CACNA1H: variants seen among roughly 807,000 people sequenced by gnomAD.
The protein encoded by CACNA1H is calcium voltage-gated channel subunit alpha1 H, also known as voltage-dependent T-type calcium channel subunit alpha-1H.
In CACNA1H, 149 loss-of-function variants were observed where a neutral mutation model predicts 192.5. The ratio of observed to expected loss-of-function variants is 0.77; its 90% CI spans 0.68 to 0.89. CACNA1H has a LOEUF of 0.89. Among genes scored for constraint, CACNA1H ranks in the 40% least tolerant of loss-of-function variants. The pLI, the probability that CACNA1H is intolerant of heterozygous loss-of-function variation, is 0.00. For missense variants in CACNA1H, 4,257 were observed against 3,423.5 expected (o/e 1.24, Z -6.08); for synonymous variants, 2,202 against 1,475.2 (o/e 1.49, Z -11.29).
Position 1,221,287 on chromosome 16 carries a change from A to T in CACNA1H, c.*293A>T. The T allele has an allele frequency of 2.3e-6, 1 of 427,344 alleles. No homozygotes were observed. The highest frequency in any genetic ancestry group is 4.1e-6 in the Non-Finnish European group (1 of 242,150). 26.5% of individuals were successfully genotyped at this position (427,344 alleles called of 1,614,324 possible). A position where few individuals can be genotyped will look rare whatever the true frequency, so the allele number is the denominator to read the frequency against. Reference sequence around the variant, plus strand: ...TCAGGAGAGAAGCCGCGTCTGTGGGACGAAGACCGGGCACCCGCCAGAGAG... The same window carrying T: ...TCAGGAGAGAAGCCGCGTCTGTGGGTCGAAGACCGGGCACCCGCCAGAGAG... On this transcript the variant is annotated 3_prime_UTR_variant, in exon 35 of 35. Transcript: ENST00000348261.
At chr16:1,155,495 T>C (rs1010819818) in intron 2 of CACNA1H, among the ~76,000 whole-genome samples, 6 of 151,722 alleles carry the variant, frequency 4.0e-5, no homozygotes, top group African/African-American at 7.3e-5. Context: ...TGGGGAAGGG[T>C]CTGGAAGGGA....
At chr16:1,218,819 G>C (rs1970244484) in intron 33 of CACNA1H, 151 bp from the exon 34 acceptor site, 12 of 1,087,028 alleles carry the variant, frequency 1.1e-5, no homozygotes, top group Non-Finnish European at 1.6e-5. Flanking sequence ...AGATTGAGGA[G>C]GCTGGGTGTG....
intron 22 of CACNA1H, 29 bp from the exon 23 acceptor site, chr16:1,211,452 C>G: frequency 6.2e-7 from 1 of 1,612,108 alleles, no homozygotes; most frequent in Admixed American, 1.7e-5. Context: ...CAGGCCAGGC[C>G]CTCCGCGGTG....
intron 3 of CACNA1H, among the ~76,000 whole-genome samples, 165 bp from the exon 4 acceptor site, chr16:1,195,267 C>T (rs1373892289): frequency 1.8e-5 from 2 of 113,688 alleles, no homozygotes; most frequent in African/African-American, 6.6e-5. Context: ...GGGCGAGAGG[C>T]GAGGTTCAAG....
chr16:1,178,730 G>A (rs1039120986), intron 2 of CACNA1H, among the ~76,000 whole-genome samples: 6 of 152,146 alleles, frequency 3.9e-5, no homozygotes, highest in African/African-American at 1.4e-4. Flanking sequence ...CTCACCCCCG[G>A]CCAGGAGCTC....
Position 1,167,146 on chromosome 16 carries a change from G to A in CACNA1H, c.299+13110G>A, listed in dbSNP as rs561258938. On this transcript the variant is annotated intron_variant, in intron 2 of 34. Coordinates refer to ENST00000348261, the MANE Select transcript of CACNA1H (RefSeq NM_021098.3). The surrounding 1 kb of genome is among the most constrained non-coding windows in gnomAD (Gnocchi z 4.2). The stretch of plus-strand genomic sequence containing the variant: ...AGTGGACACGGCCCTTCCTTTCCTC[G>A]CCGACCCTTTGGGGCGTCTCCCATC... Among the ~76,000 whole-genome samples the A allele has an allele frequency of 1.0e-3, 156 of 152,228 alleles. 5 individuals carry two copies. The South Asian group carries it at 0.03, about 30-fold the overall frequency.
intron 5 of CACNA1H, among the ~76,000 whole-genome samples, chr16:1,197,231 C>T (rs559280918): frequency 6.6e-6 from 1 of 152,328 alleles, no homozygotes; most frequent in African/African-American, 2.4e-5. Context: ...TCAGTTTCTC[C>T]TGGAATAGTG....
At chr16:1,196,499 A>C (rs911058023) in intron 5 of CACNA1H, among the ~76,000 whole-genome samples, 1 of 151,416 alleles carries the variant, frequency 6.6e-6, no homozygotes, top group Non-Finnish European at 1.5e-5. Flanking sequence ...TCCTGAGGAC[A>C]CCTCGCTCTC....
At chr16:1,159,104 G>C (rs970201592) in intron 2 of CACNA1H, among the ~76,000 whole-genome samples, 1 of 152,242 alleles carries the variant, frequency 6.6e-6, no homozygotes, top group African/African-American at 2.4e-5. Flanking sequence ...CTGATGGGGG[G>C]ACTTGGGGAG....
intron 26 of CACNA1H, among the ~76,000 whole-genome samples, chr16:1,212,904 C>T (rs1003010822): frequency 3.3e-5 from 5 of 152,226 alleles, no homozygotes; most frequent in South Asian, 2.1e-4. Flanking sequence ...GCATGCCGGC[C>T]GCAGAGCATG....
rs1389577720 is a variant in CACNA1H, at chr16:1,220,857, G to A, written c.6925G>A (p.Glu2309Lys). 1 of 1,612,670 alleles carries A rather than the reference G, an allele frequency of 6.2e-7. No individual in the cohort carries two copies. The highest frequency in any genetic ancestry group is 8.5e-7 in the Non-Finnish European group (1 of 1,179,838). ...AGTGCCCCTGGAACCCCCAGAATCA[G>A]AGCCTCCCATGCCCGTCGGTGACCC... Reference protein sequence around the residue: ...AIVPLEPPESEPPMPVGDPPE... With the variant: ...AIVPLEPPESKPPMPVGDPPE... The change falls in exon 35 of 35, where the codon GAG becomes AAG. Residue 2309 changes from glutamate to lysine, a missense_variant. Transcript: ENST00000348261.
chr16:1,220,837 C>G lies in CACNA1H; in HGVS notation c.6905C>G (p.Pro2302Arg). ...GCTTCCTCTTCAGGGGCCATAGTGCCCCTGGAACCCCCAGAATCAGAGCCT... is the reference window on the plus strand; with the variant it reads ...GCTTCCTCTTCAGGGGCCATAGTGCGCCTGGAACCCCCAGAATCAGAGCCT... ...SRASSSGAIV[P>R]LEPPESEPPM... Residue 2302 changes from proline (P) to arginine (R), a missense_variant, in exon 35 of 35, where the codon CCC becomes CGC. Pro to Arg is a moderately radical substitution (Grantham distance 103, BLOSUM62 -2). Coordinates refer to ENST00000348261, the MANE Select transcript of CACNA1H (RefSeq NM_021098.3). 1 of 1,612,780 alleles carries G rather than the reference C, an allele frequency of 6.2e-7. No homozygotes were observed.
At chr16:1,163,700 G>A (rs553275997) in intron 2 of CACNA1H, among the ~76,000 whole-genome samples, 39 of 152,328 alleles carry the variant, frequency 2.6e-4, no homozygotes, top group Non-Finnish European at 5.0e-4. Context: ...TGGCCGCTGT[G>A]TCTGAGGATG....
In CACNA1H at chr16:1,211,119, G is replaced by A. The variant is rs2738899; in HGVS notation, c.4224-49G>A. ...CCTTTGCTGAGCTCTGCCGGCGCCTGGCAGCTGCTGCCATAGATGACTGCA... is the reference window on the plus strand; with the variant it reads ...CCTTTGCTGAGCTCTGCCGGCGCCTAGCAGCTGCTGCCATAGATGACTGCA... On this transcript the variant is annotated intron_variant, in intron 21 of 34. Coordinates refer to ENST00000348261, the MANE Select transcript of CACNA1H (RefSeq NM_021098.3). 0.61 allele frequency: 966,430 copies of A among 1,594,420 alleles called. 297,057 individuals are homozygous for A. The highest frequency in any genetic ancestry group is 0.9 in the East Asian group (40,034 of 44,548).
rs1008460533 is a variant in CACNA1H, at chr16:1,167,088, C to G, written c.299+13052C>G. Among the ~76,000 whole-genome samples the G allele has an allele frequency of 2.0e-5, 3 of 152,214 alleles. No individual in the cohort carries two copies. The highest frequency in any genetic ancestry group is 7.2e-5 in the African/African-American group (3 of 41,456). On this transcript the variant is annotated intron_variant, in intron 2 of 34. Coordinates refer to ENST00000348261, the MANE Select transcript of CACNA1H (RefSeq NM_021098.3). The surrounding 1 kb of genome is among the most constrained non-coding windows in gnomAD (Gnocchi z 4.2). ...GTGGTTCAGCAGCAGTGAGTGCTGA[C>G]AACCACACCCAGCCGGAGTCCAGGG...
rs748432349 is a variant in CACNA1H at position 1,220,510 on chromosome 16, C to T, written c.6578C>T (p.Ser2193Leu). The T allele has an allele frequency of 1.2e-5, 19 of 1,539,940 alleles. No individual in the cohort carries two copies. The East Asian group carries it at 1.4e-4, about 11-fold the overall frequency. ...AAGAAGATGAGCCCCCCCTGCATCT[C>T]GGTGGAACCCCCTGCGGAGGACGAG... ...RKKKMSPPCI[S>L]VEPPAEDEGS... Residue 2193 changes from serine (S) to leucine (L), a missense_variant, in exon 35 of 35, where the codon TCG (serine) becomes TTG (leucine). Ser to Leu is a moderately radical substitution (Grantham distance 145). Coordinates refer to ENST00000348261, the MANE Select transcript of CACNA1H (RefSeq NM_021098.3).
intron 2 of CACNA1H, among the ~76,000 whole-genome samples, chr16:1,182,232 C>T (rs1965549673): frequency 6.6e-6 from 1 of 152,174 alleles, no homozygotes; most frequent in East Asian, 1.9e-4. Flanking sequence ...GGGCCTCAGC[C>T]CACCTGGGTG....
At position 1,205,210 on chromosome 16, in the gene CACNA1H, C is replaced by G. The variant is rs1317099790; in HGVS notation, c.2548C>G (p.Leu850Val). Residue 850 changes from leucine to valine, a missense_variant, in exon 11 of 35, where the codon CTG (leucine) becomes GTG (valine). Leu to Val is a conservative substitution (Grantham distance 32, BLOSUM62 1). Coordinates refer to ENST00000348261, the MANE Select transcript of CACNA1H (RefSeq NM_021098.3). The stretch of plus-strand genomic sequence containing the variant: ...GCTGAAGCTGCTGGCCTGCGGCCCT[C>G]TGGGCTACATCCGGAACCCGTACAA... ...MLLKLLACGP[L>V]GYIRNPYNIF... 1 of 1,613,078 alleles carries G rather than the reference C, an allele frequency of 6.2e-7. No individual in the cohort carries two copies. Among genetic ancestry groups the G allele is most frequent in the Admixed American group, 1.7e-5 (1 of 60,014 alleles).
At chr16:1,155,957 G>A (rs912103844) in intron 2 of CACNA1H, among the ~76,000 whole-genome samples, 3 of 152,016 alleles carry the variant, frequency 2.0e-5, no homozygotes, top group East Asian at 3.9e-4. Context: ...CTGGTAGCCC[G>A]AGAGGGACTT....
Sources: gnomAD v4.1 joint callset for allele counts (sites outside exome capture counted in the v4.1 genomes callset) on GRCh38, gnomAD v4.1.1 for gene constraint, Gnocchi (gnomAD v3.1) non-coding constraint, MANE v1.5 for transcripts, NCBI Gene and HGNC (gene_info 2026-07-23, HGNC 2026-07-21) for gene names.